The following ETV6 variants were observed in gnomAD, a reference collection of about 807,000 sequenced individuals.
ETV6 encodes ETS variant transcription factor 6.
In ETV6, 16 loss-of-function variants were observed where a neutral mutation model predicts 51.1. The observed-to-expected ratio is 0.31, with a 90% CI of 0.21 to 0.48. The LOEUF (loss-of-function observed/expected upper bound fraction) is 0.48. Ranked by LOEUF, ETV6 falls within the 20% of genes least tolerant of loss-of-function variation. The probability of loss-of-function intolerance (pLI) is 0.99; values close to 1 mark genes in which losing one functional copy is unlikely to be tolerated. For missense variants in ETV6, 458 were observed against 594.8 expected, an observed-to-expected ratio of 0.77 and a Z score of 2.39; for synonymous variants, 240 against 224.1, an observed-to-expected ratio of 1.07 and a Z score of -0.64.
chr12:11,765,263 A>G lies in ETV6; in HGVS notation c.163+12684A>G, dbSNP rs564461624. Among the ~76,000 whole-genome samples the G allele has an allele frequency of 2.6e-5, 4 of 152,292 alleles. No individual in the cohort carries two copies. The South Asian group carries it at 6.2e-4, about 24-fold the overall frequency. On this transcript the variant is annotated intron_variant, in intron 2 of 7. Coordinates refer to ENST00000396373, the MANE Select transcript of ETV6 (RefSeq NM_001987.5). ...ACTGTCCCTTTCAGAGCCCTGGCAC[A>G]TACATAGTGTAATAAGATCAGACCC...
At chr12:11,757,275 G>C (rs1945021243) in intron 2 of ETV6, among the ~76,000 whole-genome samples, 1 of 152,138 alleles carries the variant, frequency 6.6e-6, no homozygotes. Context: ...CCACTCGGCT[G>C]TTTTGCCTTC....
chr12:11,892,184 TGTG>T lies in ETV6; in HGVS notation c.*1141_*1143del, dbSNP rs1947300723. 1 of 232,328 alleles carries T rather than the reference TGTG, an allele frequency of 4.3e-6. No individual in the cohort carries two copies. 14.4% of individuals were successfully genotyped at this position (232,328 alleles called of 1,614,324 possible). A position where few individuals can be genotyped will look rare whatever the true frequency, so the allele number is the denominator to read the frequency against. ...CTCTGCTCCATTCCAAAGGCCATCTTGTGGTCAGTTTCATGCCCTCACCTGATT... is the reference window on the plus strand; with the variant it reads ...CTCTGCTCCATTCCAAAGGCCATCTTGTCAGTTTCATGCCCTCACCTGATT... On this transcript the variant is annotated 3_prime_UTR_variant, in exon 8 of 8. Coordinates refer to ENST00000396373, the MANE Select transcript of ETV6 (RefSeq NM_001987.5).
intron 1 of ETV6, among the ~76,000 whole-genome samples, chr12:11,698,612 A>G (rs1864922850): frequency 6.6e-6 from 1 of 152,194 alleles, no homozygotes; most frequent in South Asian, 2.1e-4. Flanking sequence ...AACAACTAGC[A>G]AGGGAGTTTA....
chr12:11,710,324 G>A (rs1444633404), intron 1 of ETV6, among the ~76,000 whole-genome samples: 1 of 151,970 alleles, frequency 6.6e-6, no homozygotes, highest in Non-Finnish European at 1.5e-5. Context: ...GGTTCTGCCT[G>A]TTACAAGGAA....
intron 1 of ETV6, among the ~76,000 whole-genome samples, chr12:11,657,356 A>G (rs1255403342): frequency 6.6e-6 from 1 of 152,240 alleles, no homozygotes; most frequent in Non-Finnish European, 1.5e-5. Flanking sequence ...AACAGGCAAG[A>G]ATTCAGAAAG....
At chr12:11,667,242 A>T (rs1299085639) in intron 1 of ETV6, among the ~76,000 whole-genome samples, 1 of 152,188 alleles carries the variant, frequency 6.6e-6, no homozygotes, top group Non-Finnish European at 1.5e-5. Flanking sequence ...TCAGGTCTTT[A>T]TTAAGCTTCT....
intron 3 of ETV6, among the ~76,000 whole-genome samples, chr12:11,848,406 C>G (rs866886502): frequency 4.6e-5 from 7 of 152,296 alleles, no homozygotes; most frequent in African/African-American, 1.7e-4. Flanking sequence ...AAATTTAACC[C>G]CCCTCAACAG....
At chr12:11,788,564 A>G (rs895406031) in intron 2 of ETV6, among the ~76,000 whole-genome samples, 2 of 152,178 alleles carry the variant, frequency 1.3e-5, no homozygotes, top group Admixed American at 6.5e-5. Context: ...TACTGATACT[A>G]TGATGTGTGG....
At chr12:11,750,814 T>TTC in intron 1 of ETV6, 21 of 441,600 alleles carry the variant, frequency 4.8e-5, no homozygotes, top group South Asian at 8.4e-5. Context: ...TTTTTTTTTT[T>TTC]TTTGCTTTTT....
At chr12:11,737,777 A>G (rs1423217587) in intron 1 of ETV6, among the ~76,000 whole-genome samples, 1 of 152,130 alleles carries the variant, frequency 6.6e-6, no homozygotes, top group African/African-American at 2.4e-5. Flanking sequence ...ATTTTAACTC[A>G]ACTGATTTTC....
At chr12:11,716,713 C>G (rs562148307) in intron 1 of ETV6, 1 of 152,320 alleles carries the variant, frequency 6.6e-6, no homozygotes, top group East Asian at 1.9e-4. Flanking sequence ...TCCTTTCCAG[C>G]TCTAAAATTA....
intron 1 of ETV6, among the ~76,000 whole-genome samples, chr12:11,662,159 C>T (rs1864111853): frequency 6.6e-6 from 1 of 152,140 alleles, no homozygotes; most frequent in South Asian, 2.1e-4. Flanking sequence ...AACAAGGAGC[C>T]ACTGACATAG....
chr12:11,678,428 A>C (rs1864461673), intron 1 of ETV6, among the ~76,000 whole-genome samples: 2 of 152,046 alleles, frequency 1.3e-5, no homozygotes, highest in South Asian at 4.2e-4. Context: ...GCGCATTTTG[A>C]TTGTTTTATG....
chr12:11,736,140 C>T (rs891600192), intron 1 of ETV6, among the ~76,000 whole-genome samples: 2 of 152,204 alleles, frequency 1.3e-5, no homozygotes, highest in Admixed American at 6.5e-5. Flanking sequence ...TCTTTTCTCA[C>T]TCATTTCCAT....
intron 1 of ETV6, among the ~76,000 whole-genome samples, chr12:11,744,622 A>T (rs1865873718): frequency 1.3e-5 from 2 of 152,150 alleles, no homozygotes; most frequent in South Asian, 4.1e-4. Context: ...AGGAGTGGTG[A>T]TGTGTGTTGC....
chr12:11,850,588 T>G (rs1301498438), intron 3 of ETV6, among the ~76,000 whole-genome samples: 1 of 152,210 alleles, frequency 6.6e-6, no homozygotes, highest in Admixed American at 6.5e-5. Flanking sequence ...AATCAATGAC[T>G]AGTGTTTACT....
rs1301989478 is a variant in ETV6 at position 11,894,191 on chromosome 12, C to T, written c.*3145C>T. ...TTATATTGTACCTGCCTAATCCACC[C>T]GGCGTGACTCATTTCAACACTAAGT... On this transcript the variant is annotated 3_prime_UTR_variant, in exon 8 of 8. Transcript: ENST00000396373. 12 of 231,784 alleles carry T rather than the reference C, an allele frequency of 5.2e-5. No individual in the cohort carries two copies. The highest frequency in any genetic ancestry group is 1.8e-4 in the South Asian group (1 of 5,512). The allele number at this position is 231,784 out of a possible 1,614,324, so 14.4% of individuals were successfully genotyped here. A position where few individuals can be genotyped will look rare whatever the true frequency, so the allele number is the denominator to read the frequency against.
intron 3 of ETV6, among the ~76,000 whole-genome samples, chr12:11,848,611 CGT>C (rs988312164): frequency 6.6e-6 from 1 of 152,168 alleles, no homozygotes; most frequent in African/African-American, 2.4e-5. Flanking sequence ...TCTGTGTGTG[CGT>C]GTGTGTGCGC....
chr12:11,853,911 A>C (rs1418053508), intron 4 of ETV6, among the ~76,000 whole-genome samples: 2 of 152,228 alleles, frequency 1.3e-5, no homozygotes, highest in Non-Finnish European at 2.9e-5. Flanking sequence ...TTTTGGCACC[A>C]GGGACCAGTT....
Sources: allele counts gnomAD v4.1 joint callset (sites outside exome capture counted in the v4.1 genomes callset), GRCh38; gene constraint gnomAD v4.1.1; transcripts MANE v1.5; gene names NCBI Gene and HGNC (gene_info 2026-07-23, HGNC 2026-07-21).